DENND2B: variants seen among roughly 807,000 people sequenced by gnomAD.
The protein encoded by DENND2B is DENN domain containing 2B.
A neutral mutation model predicts 116.0 loss-of-function variants in DENND2B; 32 were observed. The observed-to-expected ratio is 0.28, with a 90% CI of 0.21 to 0.37. The LOEUF is 0.37. Ranked by LOEUF, DENND2B falls within the 10% of genes least tolerant of loss-of-function variation. DENND2B has a pLI of 1.00. For synonymous variants in DENND2B, 588 were observed against 583.9 expected (o/e 1.01, Z -0.10); for missense variants, 1,276 against 1,477.7 (o/e 0.86, Z 2.24).
At chr11:8,783,440 A>G (rs1408153448) in intron 1 of DENND2B, among the ~76,000 whole-genome samples, 1 of 152,216 alleles carries the variant, frequency 6.6e-6, no homozygotes, top group Non-Finnish European at 1.5e-5. Context: ...CTGTCTGTGG[A>G]ATATATCCAA....
At chr11:8,890,572 G>T (rs553273114) in intron 1 of DENND2B, among the ~76,000 whole-genome samples, 8 of 152,274 alleles carry the variant, frequency 5.3e-5, no homozygotes, top group African/African-American at 1.7e-4. Context: ...GAAAACCATG[G>T]CATGAGAACT....
chr11:8,760,710 T>C (rs1426700230), intron 1 of DENND2B, among the ~76,000 whole-genome samples: 1 of 152,352 alleles, frequency 6.6e-6, no homozygotes, highest in Non-Finnish European at 1.5e-5. Flanking sequence ...CCTTTTCTCC[T>C]TCACTACTTC....
intron 3 of DENND2B, among the ~76,000 whole-genome samples, chr11:8,845,819 A>C (rs1280568270): frequency 1.3e-5 from 2 of 152,224 alleles, no homozygotes; most frequent in African/African-American, 2.4e-5. Flanking sequence ...TATCAAAATT[A>C]ACATTAAATT....
chr11:8,695,359 A>G, intron 19 of DENND2B, 104 bp downstream of exon 19: 2 of 1,057,142 alleles, frequency 1.9e-6, no homozygotes, highest in Non-Finnish European at 1.4e-6. Flanking sequence ...CTACAGCCCC[A>G]GTATAACACC....
At chr11:8,708,650 G>A (rs1360289745) in intron 11 of DENND2B, among the ~76,000 whole-genome samples, 1 of 152,144 alleles carries the variant, frequency 6.6e-6, no homozygotes, top group Non-Finnish European at 1.5e-5. Flanking sequence ...AAAGAAGAAT[G>A]GGACTTAAAA....
In DENND2B at chr11:8,877,100, C is replaced by CTTTTTT. The variant is rs71059191; in HGVS notation, c.-156+3904_-156+3909dup. ...TCCTTCTCTCATGGGCTTGAAGATA[C>CTTTTTT]TTTTTTTTTTTTTTTTTTTTTGAGA... is the stretch of plus-strand genomic sequence containing the variant. On this transcript the variant is annotated intron_variant, in intron 2 of 22. Transcript: ENST00000534127. Among the ~76,000 whole-genome samples the CTTTTTT allele has an allele frequency of 5.0e-4, 47 of 93,070 alleles. 3 individuals carry two copies. Among genetic ancestry groups the CTTTTTT allele is most frequent in the Non-Finnish European group, 6.1e-4 (32 of 52,508 alleles). The allele number at this position is 93,070 out of a possible 152,430, so 61.1% of individuals were successfully genotyped here. A position where few individuals can be genotyped will look rare whatever the true frequency, so the allele number is the denominator to read the frequency against.
At chr11:8,722,668 T>C (rs148948421) in intron 4 of DENND2B, among the ~76,000 whole-genome samples, 2 of 152,264 alleles carry the variant, frequency 1.3e-5, no homozygotes, top group African/African-American at 4.8e-5. Context: ...CTGGCCTCCC[T>C]AGTCAGGTCC....
In DENND2B at chr11:8,702,413, C is replaced by A. The variant is rs1255445789; in HGVS notation, c.2720+159G>T. ...CCCAAACCCTGCTCCCTCACCCACA[C>A]AGGGGTGCTACCTTTCCACCTAGTC... On this transcript the variant is annotated intron_variant, in intron 14 of 19. Transcript: ENST00000313726. The surrounding 1 kb of genome is among the most constrained non-coding windows in gnomAD (Gnocchi z 4.6). 6.6e-6 allele frequency among the ~76,000 whole-genome samples: 1 copy of A among 152,218 alleles called. No homozygotes were observed. The highest frequency in any genetic ancestry group is 2.4e-5 in the African/African-American group (1 of 41,466).
intron 2 of DENND2B, among the ~76,000 whole-genome samples, chr11:8,877,201 T>C (rs2063853102): frequency 6.6e-6 from 1 of 150,422 alleles, no homozygotes; most frequent in South Asian, 2.1e-4. Flanking sequence ...CCTCCCGGGT[T>C]CATGCCATTC....
At chr11:8,865,920 A>G (rs774405267) in intron 2 of DENND2B, among the ~76,000 whole-genome samples, 21 of 151,086 alleles carry the variant, frequency 1.4e-4, no homozygotes, top group Non-Finnish European at 2.8e-4. Context: ...AATTTAGACT[A>G]TTTTTAAAGA....
chr11:8,859,750 GCCCCACTAC>G (rs970416093), intron 2 of DENND2B, among the ~76,000 whole-genome samples: 6 of 152,098 alleles, frequency 3.9e-5, no homozygotes, highest in African/African-American at 9.7e-5. Flanking sequence ...CCTCAGCACT[GCCCCACTAC>G]CCCCACTACC....
intron 3 of DENND2B, among the ~76,000 whole-genome samples, chr11:8,856,570 C>A (rs1221787085): frequency 6.6e-6 from 1 of 152,030 alleles, no homozygotes; most frequent in Non-Finnish European, 1.5e-5. Flanking sequence ...TTTACTTCCA[C>A]TGGTCACACG....
intron 2 of DENND2B, among the ~76,000 whole-genome samples, chr11:8,878,246 C>G (rs1425925807): frequency 6.6e-6 from 1 of 152,146 alleles, no homozygotes; most frequent in Non-Finnish European, 1.5e-5. Context: ...CATAGAATTA[C>G]CATGTGACCA....
Position 8,694,158 on chromosome 11 carries a change from T to C in DENND2B, c.3380-28A>G, listed in dbSNP as rs1284554366. On this transcript the variant is annotated intron_variant, in intron 19 of 19. Transcript: ENST00000313726. The stretch of plus-strand genomic sequence containing the variant: ...GTGGGCCAGAGAGGACAAGAGAGAA[T>C]GTTCAGTGTTATCCCTTCCAACCTC... 3 of 1,614,052 alleles carry C rather than the reference T, an allele frequency of 1.9e-6. No homozygotes were observed. The Admixed American group carries it at 5.0e-5, about 27-fold the overall frequency.
At chr11:8,870,387 T>A (rs1244115385) in intron 2 of DENND2B, among the ~76,000 whole-genome samples, 2 of 152,222 alleles carry the variant, frequency 1.3e-5, no homozygotes, top group Non-Finnish European at 2.9e-5. Flanking sequence ...AGTGCGTGTC[T>A]GCACAAGGGC....
At chr11:8,798,829 T>C (rs1384607935) in intron 1 of DENND2B, among the ~76,000 whole-genome samples, 1 of 27,740 alleles carries the variant, frequency 3.6e-5, no homozygotes, top group Non-Finnish European at 7.5e-5. Flanking sequence ...TTCCGGTTGC[T>C]TTTTTTTTTT....
At chr11:8,713,874 T>C in intron 8 of DENND2B, 124 bp downstream of exon 8, 1 of 1,009,548 alleles carries the variant, frequency 9.9e-7, no homozygotes, top group Non-Finnish European at 1.5e-6. Flanking sequence ...GTATCTGGCC[T>C]GTCTGTCACC....
chr11:8,797,756 T>G (rs2059962579), intron 1 of DENND2B, among the ~76,000 whole-genome samples: 1 of 152,082 alleles, frequency 6.6e-6, no homozygotes, highest in South Asian at 2.1e-4. Flanking sequence ...AGCACCCTAC[T>G]CTTTTTCCTG....
intron 13 of DENND2B, among the ~76,000 whole-genome samples, chr11:8,706,299 A>G (rs991882815): frequency 1.3e-4 from 20 of 152,180 alleles, no homozygotes; most frequent in African/African-American, 4.3e-4. Flanking sequence ...AGATCTTATC[A>G]TACCCCTGCT....
Sources: gnomAD v4.1 joint callset for allele counts (sites outside exome capture counted in the v4.1 genomes callset) on GRCh38, gnomAD v4.1.1 for gene constraint, Gnocchi (gnomAD v3.1) non-coding constraint, MANE v1.5 for transcripts, NCBI Gene and HGNC (gene_info 2026-07-23, HGNC 2026-07-21) for gene names.